The following SCAMP1 variants were observed in gnomAD, a reference collection of about 807,000 sequenced individuals.
SCAMP1 encodes secretory carrier membrane protein 1.
A neutral mutation model predicts 41.8 loss-of-function variants in SCAMP1; 15 were observed. The observed-to-expected ratio is 0.36, with a 90% CI of 0.24 to 0.55. The LOEUF is 0.55. Among genes scored for constraint, SCAMP1 ranks in the 20% least tolerant of loss-of-function variants. SCAMP1 has a pLI of 0.86. For missense variants in SCAMP1, 341 were observed against 412.6 expected, an observed-to-expected ratio of 0.83 and a Z score of 1.50; for synonymous variants, 135 against 136.8, an observed-to-expected ratio of 0.99 and a Z score of 0.09.
At chr5:78,449,795 A>G in intron 6 of SCAMP1, 138 bp from the exon 7 acceptor site, 1 of 546,168 alleles carries the variant, frequency 1.8e-6, no homozygotes, top group Admixed American at 3.8e-5. Flanking sequence ...GGTGGTTGCC[A>G]CTTTTTTTTG....
intron 8 of SCAMP1, among the ~76,000 whole-genome samples, chr5:78,474,734 A>G (rs188404248): frequency 2.6e-4 from 40 of 152,326 alleles, no homozygotes; most frequent in Non-Finnish European, 2.9e-5. Context: ...TTGTGGGCAT[A>G]TAATTAATAA....
At chr5:78,460,782 T>TTTGGTTTCTTTTC (rs1554047045) in intron 8 of SCAMP1, among the ~76,000 whole-genome samples, 15 of 45,138 alleles carry the variant, frequency 3.3e-4, no homozygotes, top group African/African-American at 1.7e-3. Flanking sequence ...CCTTCCTTCC[T>TTTGGTTTCTTTTC]TCCTTCCTTC....
At chr5:78,436,028 T>G (rs1752744303) in intron 6 of SCAMP1, among the ~76,000 whole-genome samples, 1 of 152,250 alleles carries the variant, frequency 6.6e-6, no homozygotes, top group Non-Finnish European at 1.5e-5. Flanking sequence ...TGTCTTCTTT[T>G]GAAAAGTGTC....
chr5:78,451,799 C>T (rs1048270509), intron 7 of SCAMP1, among the ~76,000 whole-genome samples: 12 of 152,136 alleles, frequency 7.9e-5, no homozygotes, highest in African/African-American at 2.4e-4. Flanking sequence ...GGATTACAGG[C>T]GCCTGCCACC....
intron 8 of SCAMP1, among the ~76,000 whole-genome samples, chr5:78,464,809 A>C (rs1036187941): frequency 6.6e-6 from 1 of 152,190 alleles, no homozygotes; most frequent in African/African-American, 2.4e-5. Flanking sequence ...ACACTTCACC[A>C]GTATTATGCC....
At chr5:78,448,914 C>G (rs543292876) in intron 6 of SCAMP1, among the ~76,000 whole-genome samples, 4 of 152,028 alleles carry the variant, frequency 2.6e-5, no homozygotes, top group African/African-American at 9.6e-5. Context: ...ACAGGAGAAT[C>G]GCTTGAACCT....
At chr5:78,374,703 A>G (rs1205012221) in intron 1 of SCAMP1, among the ~76,000 whole-genome samples, 2 of 152,100 alleles carry the variant, frequency 1.3e-5, no homozygotes, top group Non-Finnish European at 2.9e-5. Flanking sequence ...TCGATAATCA[A>G]ACAGATGCCT....
intron 1 of SCAMP1, among the ~76,000 whole-genome samples, chr5:78,365,121 G>T (rs2112035925): frequency 6.6e-6 from 1 of 152,198 alleles, no homozygotes; most frequent in East Asian, 1.9e-4. Context: ...TATAGTAAGA[G>T]CTTAATGTAT....
At chr5:78,434,073 C>G (rs1357731938) in intron 6 of SCAMP1, among the ~76,000 whole-genome samples, 1 of 152,148 alleles carries the variant, frequency 6.6e-6, no homozygotes, top group Non-Finnish European at 1.5e-5. Context: ...GGTGGCTGCT[C>G]TTTGCCTCCC....
At chr5:78,458,916 C>T (rs1023750086) in intron 7 of SCAMP1, among the ~76,000 whole-genome samples, 1 of 152,074 alleles carries the variant, frequency 6.6e-6, no homozygotes, top group Admixed American at 6.6e-5. Flanking sequence ...AACTCATAAG[C>T]TTAAAAAATG....
intron 1 of SCAMP1, among the ~76,000 whole-genome samples, chr5:78,373,951 TTTTA>T (rs1403930202): frequency 1.3e-5 from 2 of 152,176 alleles, no homozygotes; most frequent in African/African-American, 4.8e-5. Flanking sequence ...TTATTTAAAA[TTTTA>T]TATAATTACT....
At chr5:78,443,608 C>G (rs928321811) in intron 6 of SCAMP1, among the ~76,000 whole-genome samples, 2 of 139,316 alleles carry the variant, frequency 1.4e-5, no homozygotes, top group African/African-American at 5.3e-5. Context: ...GAGTCTCTTT[C>G]ATTCCAGTCC....
chr5:78,372,764 T>C (rs892888274), intron 1 of SCAMP1, among the ~76,000 whole-genome samples: 5 of 152,160 alleles, frequency 3.3e-5, no homozygotes, highest in African/African-American at 9.7e-5. Flanking sequence ...TTTTTGTTTC[T>C]ATTTATGTTA....
At position 78,405,281 on chromosome 5, in the gene SCAMP1, C is replaced by G. The variant is rs1316704991; in HGVS notation, c.136-10239C>G. ...TAAAAACCATGAGTCTTTAAAATAG[C>G]CTTTAATCTGATCCCTAATATTCTT... On this transcript the variant is annotated intron_variant, in intron 2 of 8. Coordinates refer to ENST00000621999, the MANE Select transcript of SCAMP1 (RefSeq NM_004866.6). 2.6e-5 allele frequency among the ~76,000 whole-genome samples: 4 copies of G among 152,226 alleles called. No individual in the cohort carries two copies. In the South Asian group the frequency reaches 6.2e-4, roughly 24 times the overall value.
intron 7 of SCAMP1, among the ~76,000 whole-genome samples, chr5:78,457,573 C>G (rs1194287818): frequency 6.6e-6 from 1 of 152,148 alleles, no homozygotes; most frequent in Non-Finnish European, 1.5e-5. Context: ...CTGGGAGAAC[C>G]ACTGCTCTCT....
At position 78,410,117 on chromosome 5, in the gene SCAMP1, C is replaced by CT. The variant is rs113666677; in HGVS notation, c.136-5389dup. On this transcript the variant is annotated intron_variant, in intron 2 of 8. Transcript: ENST00000621999. ...ACTTAAGGTGCCGGGAACTCTTTTT[C>CT]TTTTTTTTTTTTTTCCAACTTTTTA... Among the ~76,000 whole-genome samples, 964 of 142,454 alleles carry CT rather than the reference C, an allele frequency of 6.8e-3. 9 individuals are homozygous for CT. Among genetic ancestry groups the CT allele is most frequent in the African/African-American group, 0.019 (741 of 38,966 alleles). 93.5% of individuals were successfully genotyped at this position (142,454 alleles called of 152,430 possible).
At chr5:78,415,659 T>A (rs1172321231) in intron 3 of SCAMP1, 41 bp downstream of exon 3, 1 of 1,184,058 alleles carries the variant, frequency 8.4e-7, no homozygotes, top group Non-Finnish European at 1.2e-6. Context: ...TTGGCCATTA[T>A]AATATCAATA....
In SCAMP1 at chr5:78,459,257, A is replaced by C; in HGVS notation, c.747A>C (p.Ser249=). ...FHNWGNCGWI[S]SLTGLNQNIP... ...TATTACTTTTTAGTGGTTGGATTTCATCCCTTACTGGTCTCAACCAAAATA... is the reference window on the plus strand; with the variant it reads ...TATTACTTTTTAGTGGTTGGATTTCCTCCCTTACTGGTCTCAACCAAAATA... Residue 249 remains serine (S), a synonymous_variant, in exon 8 of 9, where the codon TCA becomes TCC. Coordinates refer to ENST00000621999, the MANE Select transcript of SCAMP1 (RefSeq NM_004866.6). 6.4e-7 allele frequency: 1 copy of C among 1,551,694 alleles called. No homozygotes were observed.
At chr5:78,405,921 T>G (rs575525857) in intron 2 of SCAMP1, among the ~76,000 whole-genome samples, 1 of 152,212 alleles carries the variant, frequency 6.6e-6, no homozygotes, top group East Asian at 1.9e-4. Context: ...AATAAAGTTA[T>G]GTCTGTTTGT....
Sources: gnomAD v4.1 joint callset for allele counts (sites outside exome capture counted in the v4.1 genomes callset) on GRCh38, gnomAD v4.1.1 for gene constraint, MANE v1.5 for transcripts, NCBI Gene and HGNC (gene_info 2026-07-23, HGNC 2026-07-21) for gene names.